The following OPN4 variants were observed in gnomAD, a reference collection of about 807,000 sequenced individuals.
OPN4 encodes the protein opsin 4.
OPN4 carries 43 observed loss-of-function variants against 49.5 expected under a neutral mutation model. That is an observed-to-expected ratio of 0.87 (90% CI 0.68 to 1.12). The LOEUF is 1.12. Ranked by LOEUF, OPN4 falls within the 50% of genes most tolerant of loss-of-function variation. The pLI is 0.00. For missense variants in OPN4, 657 were observed against 643.9 expected, an observed-to-expected ratio of 1.02 and a Z score of -0.22; for synonymous variants, 263 against 258.0, an observed-to-expected ratio of 1.02 and a Z score of -0.19.
Position 86,663,696 on chromosome 10 carries a change from C to A in OPN4, c.1292C>A (p.Ala431Asp). 2 of 1,569,342 alleles carry A rather than the reference C, an allele frequency of 1.3e-6. No homozygotes were observed. Among genetic ancestry groups the A allele is most frequent in the South Asian group, 2.4e-5 (2 of 83,440 alleles). ...THMEAAAVWG[A>D]AQQANGRSLY... ...ATGGAGGCAGCAGCTGTGTGGGGAG[C>A]TGCCCAGCAAGCAAATGGGCGGTCC... The change falls in exon 9 of 10, where the codon GCT (alanine) becomes GAT (aspartate). Residue 431 changes from alanine to aspartate, a missense_variant. Transcript: ENST00000241891.
chr10:86,663,227 C>A (rs1343128396), intron 8 of OPN4, among the ~76,000 whole-genome samples: 2 of 152,198 alleles, frequency 1.3e-5, no homozygotes, highest in African/African-American at 4.8e-5. Flanking sequence ...CTGCCGCCAA[C>A]TGACCGGCCA....
In OPN4 at chr10:86,665,986, G is replaced by A; in HGVS notation, c.*235G>A. ...GCTCAGCAGCCGCACCCGAGGCTCA[G>A]CCTGAGGGGTATGTGCCCAGGCCCT... is the stretch of plus-strand genomic sequence containing the variant. On this transcript the variant is annotated 3_prime_UTR_variant, in exon 10 of 10. Transcript: ENST00000241891. 1 of 566,884 alleles carries A rather than the reference G, an allele frequency of 1.8e-6. No homozygotes were observed. The allele number at this position is 566,884 out of a possible 1,614,324, so 35.1% of individuals were successfully genotyped here.
intron 6 of OPN4, among the ~76,000 whole-genome samples, chr10:86,660,332 A>C (rs994904030): frequency 1.3e-5 from 2 of 152,150 alleles, no homozygotes; most frequent in African/African-American, 4.8e-5. Flanking sequence ...TGGAACACAC[A>C]GTTCCTCTTG....
At chr10:86,660,405 A>G (rs1367243260) in intron 6 of OPN4, among the ~76,000 whole-genome samples, 3 of 152,182 alleles carry the variant, frequency 2.0e-5, no homozygotes, top group Non-Finnish European at 4.4e-5. Context: ...CATCTCCAGG[A>G]ATGGGTCCCT....
In OPN4 at chr10:86,666,162, C is replaced by T. The variant is rs994820484; in HGVS notation, c.*411C>T. The T allele has an allele frequency of 3.2e-5, 7 of 215,558 alleles. No individual in the cohort carries two copies. Among genetic ancestry groups the T allele is most frequent in the South Asian group, 8.9e-5 (1 of 11,218 alleles). 13.4% of individuals were successfully genotyped at this position (215,558 alleles called of 1,614,324 possible). Reference sequence around the variant, plus strand: ...GTCACTGGCATAGGAAGGCCAGCCCCGCATCTCCCACTGCCAACAGCTGAA... The same window carrying T: ...GTCACTGGCATAGGAAGGCCAGCCCTGCATCTCCCACTGCCAACAGCTGAA... On this transcript the variant is annotated 3_prime_UTR_variant, in exon 10 of 10. Transcript: ENST00000241891.
At position 86,659,379 on chromosome 10, in the gene OPN4, G is replaced by A. The variant is rs769421694; in HGVS notation, c.711G>A (p.Met237Ile). The change falls in exon 5 of 10, where the codon ATG becomes ATA. Residue 237 changes from methionine to isoleucine, a missense_variant. Transcript: ENST00000241891. The part of the protein sequence containing the change: ...SFTPAVRAYT[M>I]LLCCFVFFLP... ...CGCCGGCCGTGCGTGCCTACACCAT[G>A]CTTCTCTGCTGCTTCGTGTTCTTCC... 5.6e-6 allele frequency: 9 copies of A among 1,614,058 alleles called. No individual in the cohort carries two copies. The highest frequency in any genetic ancestry group is 7.6e-6 in the Non-Finnish European group (9 of 1,180,034).
chr10:86,661,109 C>G (rs974022802), intron 6 of OPN4, among the ~76,000 whole-genome samples, 172 bp from the exon 7 acceptor site: 3 of 132,488 alleles, frequency 2.3e-5, no homozygotes, highest in Admixed American at 7.4e-5. Context: ...GCATGGGCGA[C>G]AGAGCAAAAA....
chr10:86,655,410 G>A (rs1389973354), intron 1 of OPN4, among the ~76,000 whole-genome samples: 1 of 152,206 alleles, frequency 6.6e-6, no homozygotes. Flanking sequence ...ACCTGGGGAT[G>A]CTGGCCCAGG....
At chr10:86,659,674 G>C (rs1307055717) in intron 5 of OPN4, among the ~76,000 whole-genome samples, 1 of 152,228 alleles carries the variant, frequency 6.6e-6, no homozygotes, top group Non-Finnish European at 1.5e-5. Context: ...GCATGGCAGA[G>C]GGAGGAGAGA....
Position 86,655,054 on chromosome 10 carries a change from C to T in OPN4, c.144+127C>T. On this transcript the variant is annotated intron_variant, in intron 1 of 9. Transcript: ENST00000241891. ...CTGAACTCTGCTGTGGGGCCTTGAG[C>T]CATTACTGGACCTCTCTGAGCCCGC... 4 of 981,168 alleles carry T rather than the reference C, an allele frequency of 4.1e-6. No homozygotes were observed. In the Admixed American group the frequency reaches 7.9e-5, roughly 19 times the overall value. The allele number at this position is 981,168 out of a possible 1,614,324, so 60.8% of individuals were successfully genotyped here.
Position 86,662,347 on chromosome 10 carries a change from G to A in OPN4, c.1169G>A (p.Arg390His), listed in dbSNP as rs575739858. The change falls in exon 8 of 10, where the codon CGC becomes CAC. Residue 390 changes from arginine to histidine, a missense_variant. Arg to His is a conservative substitution (Grantham distance 29). Transcript: ENST00000241891. ...TACCCCAGCTACCGCTCCACCCACC[G>A]CTCCACGCTGACCAGCCACACCTCC... ...RPYPSYRSTH[R>H]STLTSHTSNL... 3.3e-5 allele frequency: 52 copies of A among 1,594,860 alleles called. 1 individual carries two copies. Among genetic ancestry groups the A allele is most frequent in the East Asian group, 2.0e-4 (9 of 43,972 alleles).
At chr10:86,655,261 A>G (rs2355009) in intron 1 of OPN4, among the ~76,000 whole-genome samples, 10,863 of 152,152 alleles carry the variant, frequency 0.071, 485 homozygotes, top group Admixed American at 0.14. Flanking sequence ...GGAGGAGGGC[A>G]CACCCTGGGC....
chr10:86,661,215 TG>T, intron 6 of OPN4, 65 bp from the exon 7 acceptor site: 1 of 1,341,054 alleles, frequency 7.5e-7, no homozygotes, highest in Non-Finnish European at 1.1e-6. Context: ...TGGCAGGGCC[TG>T]GCCCAGAAGA....
chr10:86,661,366 G>T lies in OPN4; in HGVS notation c.1051G>T (p.Ala351Ser), dbSNP rs755438057. ...TGCAATCCACAACCCCATCATTTAC[G>T]CCATCACCCACCCCAAGTACAGGTG... is the stretch of plus-strand genomic sequence containing the variant. Reference protein sequence around the residue: ...ASAIHNPIIYAITHPKYRVAI... With the variant: ...ASAIHNPIIYSITHPKYRVAI... The change falls in exon 7 of 10, where the codon GCC (alanine) becomes TCC (serine). Residue 351 changes from alanine to serine, a missense_variant. By Grantham distance (99) the Ala-to-Ser change is moderately conservative. Coordinates refer to ENST00000241891, the MANE Select transcript of OPN4 (RefSeq NM_033282.4). 1 of 1,613,878 alleles carries T rather than the reference G, an allele frequency of 6.2e-7. No individual in the cohort carries two copies. Among genetic ancestry groups the T allele is most frequent in the Non-Finnish European group, 8.5e-7 (1 of 1,179,842 alleles).
Position 86,658,500 on chromosome 10 carries a change from C to T in OPN4, c.441C>T (p.Ala147=). The T allele has an allele frequency of 6.2e-7, 1 of 1,614,200 alleles. No individual in the cohort carries two copies. Among genetic ancestry groups the T allele is most frequent in the Non-Finnish European group, 8.5e-7 (1 of 1,180,052 alleles). ...LFGETGCEFY[A]FCGALFGISS... ...TGCCCACAGGCTGCGAGTTCTATGC[C>T]TTCTGTGGAGCTCTCTTTGGCATTT... is the stretch of plus-strand genomic sequence containing the variant. Residue 147 remains alanine (A), a synonymous_variant, in exon 4 of 10, where the codon GCC becomes GCT. Transcript: ENST00000241891.
intron 2 of OPN4, among the ~76,000 whole-genome samples, chr10:86,656,676 G>T (rs1216881053): frequency 3.9e-5 from 6 of 152,214 alleles, no homozygotes; most frequent in Non-Finnish European, 7.4e-5. Context: ...CAGGCGTGGT[G>T]GCTCCCGCCT....
At chr10:86,658,234 G>A (rs1843916423) in intron 3 of OPN4, 69 bp downstream of exon 3, 1 of 1,584,462 alleles carries the variant, frequency 6.3e-7, no homozygotes, top group Non-Finnish European at 8.6e-7. Flanking sequence ...CCTCAATGGA[G>A]GGTGGCCCAA....
intron 4 of OPN4, 135 bp from the exon 5 acceptor site, chr10:86,659,162 C>T: frequency 1.5e-6 from 1 of 661,310 alleles, no homozygotes; most frequent in East Asian, 2.6e-5. Context: ...CTCCAGCTTC[C>T]TCACTGCATG....
intron 9 of OPN4, chr10:86,664,059 G>A (rs138780679): frequency 4.9e-5 from 22 of 451,226 alleles, no homozygotes; most frequent in Admixed American, 3.1e-4. Flanking sequence ...ACTCTGCATG[G>A]TGCTGTTGGC....
Sources: allele counts gnomAD v4.1 joint callset (sites outside exome capture counted in the v4.1 genomes callset), GRCh38; gene constraint gnomAD v4.1.1; transcripts MANE v1.5; gene names NCBI Gene and HGNC (gene_info 2026-07-23, HGNC 2026-07-21).